SCN10A: variants seen among roughly 807,000 people sequenced by gnomAD.
SCN10A encodes sodium channel protein type 10 subunit alpha.
SCN10A carries 162 observed loss-of-function variants against 170.7 expected under a neutral mutation model. That is an observed-to-expected ratio of 0.95 (90% CI 0.84 to 1.08). SCN10A has a LOEUF of 1.08. Ranked by LOEUF, SCN10A falls within the 50% of genes least tolerant of loss-of-function variation. The probability of loss-of-function intolerance (pLI) is 0.00; values close to 1 mark genes in which losing one functional copy is unlikely to be tolerated. For synonymous variants in SCN10A, 985 were observed against 904.6 expected, an observed-to-expected ratio of 1.09 and a Z score of -1.59; for missense variants, 2,527 against 2,436.9, an observed-to-expected ratio of 1.04 and a Z score of -0.78.
intron 26 of SCN10A, among the ~76,000 whole-genome samples, chr3:38,706,221 T>C (rs1344148483): frequency 6.6e-6 from 1 of 152,240 alleles, no homozygotes; most frequent in Non-Finnish European, 1.5e-5. Flanking sequence ...CTGACAAAGT[T>C]TGAAGTAAAT....
intron 12 of SCN10A, among the ~76,000 whole-genome samples, chr3:38,751,792 A>G (rs1422293383): frequency 6.6e-6 from 1 of 152,158 alleles, no homozygotes; most frequent in Non-Finnish European, 1.5e-5. Flanking sequence ...GATCTGTCCT[A>G]AGAAACTTCC....
At chr3:38,780,002 T>A (rs2064120514) in intron 4 of SCN10A, among the ~76,000 whole-genome samples, 1 of 151,956 alleles carries the variant, frequency 6.6e-6, no homozygotes, top group Non-Finnish European at 1.5e-5. Flanking sequence ...GTTTGCTATA[T>A]ATTAATCAGA....
At chr3:38,800,118 AT>A (rs2064362608) in intron 1 of SCN10A, among the ~76,000 whole-genome samples, 1 of 152,018 alleles carries the variant, frequency 6.6e-6, no homozygotes, top group Admixed American at 6.6e-5. Flanking sequence ...ATCTATGTGG[AT>A]TTTTTTCTGC....
In SCN10A at chr3:38,699,198, GTTT is replaced by G. The variant is rs66689339; in HGVS notation, c.4658-639_4658-637del. ...AGCTGTCTGCACAATGCCTTAATTT[GTTT>G]TTTTTTTTTTTTTTTCGGTTCCAGC... On this transcript the variant is annotated intron_variant, in intron 27 of 27. Transcript: ENST00000449082. Among the ~76,000 whole-genome samples the G allele has an allele frequency of 4.1e-3, 516 of 127,136 alleles. 5 individuals carry two copies. The highest frequency in any genetic ancestry group is 0.013 in the African/African-American group (436 of 32,382). The allele number at this position is 127,136 out of a possible 152,430, so 83.4% of individuals were successfully genotyped here.
In SCN10A at chr3:38,757,004, A is replaced by C; in HGVS notation, c.1092+14T>G. On this transcript the variant is annotated intron_variant, in intron 9 of 27. Coordinates refer to ENST00000449082, the MANE Select transcript of SCN10A (RefSeq NM_006514.4). ...CCTCCAACCAAGTCTGCGTGGGGGA[A>C]TGCAGCTCAGTACCTGCTGGTAGAG... 1 of 1,606,176 alleles carries C rather than the reference A, an allele frequency of 6.2e-7. No individual in the cohort carries two copies. The highest frequency in any genetic ancestry group is 8.5e-7 in the Non-Finnish European group (1 of 1,176,354).
intron 7 of SCN10A, among the ~76,000 whole-genome samples, 173 bp from the exon 8 acceptor site, chr3:38,760,920 G>A (rs1040150293): frequency 6.6e-5 from 10 of 152,162 alleles, no homozygotes; most frequent in African/African-American, 2.4e-4. Flanking sequence ...GAAAAGAGAA[G>A]AGCTAAGCAG....
chr3:38,771,150 G>T, intron 5 of SCN10A, 129 bp downstream of exon 5: 3 of 983,086 alleles, frequency 3.1e-6, no homozygotes, highest in Non-Finnish European at 4.5e-6. Context: ...AGTGGTTCTT[G>T]GAGCAAACGT....
chr3:38,707,433 T>C (rs1266286056), intron 25 of SCN10A, 50 bp from the exon 26 acceptor site: 1 of 1,587,108 alleles, frequency 6.3e-7, no homozygotes, highest in Non-Finnish European at 8.6e-7. Context: ...CCCCTACGGA[T>C]ACCAAAATCA....
Position 38,714,001 on chromosome 3 carries a change from G to C in SCN10A, c.3761C>G (p.Ala1254Gly), listed in dbSNP as rs769655303. 8.1e-6 allele frequency: 13 copies of C among 1,613,962 alleles called. No homozygotes were observed. The highest frequency in any genetic ancestry group is 1.0e-5 in the Non-Finnish European group (12 of 1,180,052). The change falls in exon 22 of 28, where the codon GCT becomes GGT. Residue 1254 changes from alanine (A) to glycine (G), a missense_variant. By Grantham distance (60) the Ala-to-Gly change is moderately conservative (BLOSUM62 0). Coordinates refer to ENST00000449082, the MANE Select transcript of SCN10A (RefSeq NM_006514.4). ...AGAAAGAGCCCGCAGTGGCCGCAGA[G>C]CGCGAAGGGTTCGAAGGGCTTTGAT... ...APIKALRTLR[A>G]LRPLRALSRF...
Position 38,752,471 on chromosome 3 carries a change from A to C in SCN10A, c.1503T>G (p.His501Gln). ...GLASGKRRAS[H>Q]GSVFHFRSPG... The stretch of plus-strand genomic sequence containing the variant: ...GGGACCGGAAATGGAACACACTGCC[A>C]TGACTAGCCCGGCGTTTTCCAGAGG... Residue 501 changes from histidine to glutamine, a missense_variant, in exon 12 of 28, where the codon CAT becomes CAG. Coordinates refer to ENST00000449082, the MANE Select transcript of SCN10A (RefSeq NM_006514.4). 6.2e-7 allele frequency: 1 copy of C among 1,609,114 alleles called. No homozygotes were observed. Among genetic ancestry groups the C allele is most frequent in the Non-Finnish European group, 8.5e-7 (1 of 1,177,340 alleles).
intron 3 of SCN10A, among the ~76,000 whole-genome samples, chr3:38,789,511 G>T (rs4676594): frequency 0.12 from 17,670 of 152,130 alleles, 1,184 homozygotes; most frequent in Middle Eastern, 0.2. Flanking sequence ...ACAAAGAAAA[G>T]TTAGAAACTT....
intron 6 of SCN10A, 33 bp from the exon 7 acceptor site, chr3:38,761,416 G>GTC: frequency 6.3e-7 from 1 of 1,581,252 alleles, no homozygotes; most frequent in Non-Finnish European, 8.7e-7. Context: ...TGACCACATG[G>GTC]ATGAGGTAGC....
intron 1 of SCN10A, among the ~76,000 whole-genome samples, chr3:38,805,946 G>T (rs780964957): frequency 5.3e-5 from 8 of 152,166 alleles, no homozygotes; most frequent in African/African-American, 1.9e-4. Flanking sequence ...ACGAAAGTGC[G>T]TGCGCTATCC....
intron 20 of SCN10A, among the ~76,000 whole-genome samples, chr3:38,720,127 C>T (rs1016884491): frequency 1.6e-4 from 25 of 152,198 alleles, no homozygotes; most frequent in African/African-American, 4.6e-4. Context: ...TCAACTGAAC[C>T]CACATCTTTT....
rs762944719 is a variant in SCN10A at position 38,755,908 on chromosome 3, T to G, written c.1341A>C (p.Gly447=). The change falls in exon 11 of 28, where the codon GGA becomes GGC. Residue 447 remains glycine, a synonymous_variant. Coordinates refer to ENST00000449082, the MANE Select transcript of SCN10A (RefSeq NM_006514.4). Reference sequence around the variant, plus strand: ...TGGCATTTTTGGAGGTTAAAGGTGATCCATTGTGGGAGTGGAGAGAGGTTG... The same window carrying G: ...TGGCATTTTTGGAGGTTAAAGGTGAGCCATTGTGGGAGTGGAGAGAGGTTG... ...IDTTSLHSHN[G]SPLTSKNASE... is the part of the protein sequence containing the mutation. 110 of 1,614,102 alleles carry G rather than the reference T, an allele frequency of 6.8e-5. No individual in the cohort carries two copies. The highest frequency in any genetic ancestry group is 8.7e-5 in the Non-Finnish European group (103 of 1,180,036).
At chr3:38,729,031 G>A (rs1016190234) in intron 15 of SCN10A, 130 bp from the exon 16 acceptor site, 13 of 1,145,710 alleles carry the variant, frequency 1.1e-5, no homozygotes, top group Non-Finnish European at 1.5e-5. Flanking sequence ...GGCGTTTTCT[G>A]GACACTGCTT....
intron 24 of SCN10A, 135 bp from the exon 25 acceptor site, chr3:38,709,750 G>C (rs931714381): frequency 2.7e-6 from 2 of 742,360 alleles, no homozygotes; most frequent in Non-Finnish European, 4.2e-6. Context: ...AGGAATGAGG[G>C]AGTGGGGAAG....
chr3:38,735,169 C>CAAAAAAAAAAAA (rs543574832), intron 15 of SCN10A, among the ~76,000 whole-genome samples: 26 of 75,932 alleles, frequency 3.4e-4, no homozygotes, highest in South Asian at 4.9e-4. Flanking sequence ...GACTCTGTCT[C>CAAAAAAAAAAAA]AAAAAAAAAA....
Position 38,753,525 on chromosome 3 carries a change from AT to A in SCN10A, c.1462-1014del, listed in dbSNP as rs1016598082. On this transcript the variant is annotated intron_variant, in intron 11 of 27. Transcript: ENST00000449082. ...AGAACTGAAGTTTCCTCTCTTGATA[AT>A]TTGAAGCCTGATCCTGTTTAGCAAC... Among the ~76,000 whole-genome samples the A allele has an allele frequency of 2.4e-4, 36 of 152,172 alleles. 1 individual carries two copies.
Sources: allele counts gnomAD v4.1 joint callset (sites outside exome capture counted in the v4.1 genomes callset), GRCh38; gene constraint gnomAD v4.1.1; transcripts MANE v1.5; gene names NCBI Gene and HGNC (gene_info 2026-07-23, HGNC 2026-07-21).